Variants in MEIOC observed in about 807,000 individuals in gnomAD.
The protein encoded by MEIOC is meiosis-specific coiled-coil domain-containing protein MEIOC.
A neutral mutation model predicts 85.3 loss-of-function variants in MEIOC; 9 were observed. The ratio of observed to expected loss-of-function variants is 0.11; its 90% CI spans 0.06 to 0.18. The LOEUF is 0.18. Ranked by LOEUF, MEIOC falls within the 10% of genes least tolerant of loss-of-function variation. The pLI, the probability that MEIOC is intolerant of heterozygous loss-of-function variation, is 1.00. For missense variants in MEIOC, 898 were observed against 1,129.4 expected (o/e 0.80, Z 2.94); for synonymous variants, 365 against 393.7 (o/e 0.93, Z 0.86).
chr17:44,656,565 C>T lies in MEIOC; in HGVS notation c.-49C>T. ...GGCCTGGACGCCCCCCCCATCACCC[C>T]CGTACCCCAGGAGCTGTGCCTAGTC... On this transcript the variant is annotated 5_prime_UTR_variant, in exon 1 of 8. Transcript: ENST00000409122. 1 of 1,379,064 alleles carries T rather than the reference C, an allele frequency of 7.3e-7. No homozygotes were observed. Among genetic ancestry groups the T allele is most frequent in the Non-Finnish European group, 9.5e-7 (1 of 1,053,732 alleles). The allele number at this position is 1,379,064 out of a possible 1,614,324, so 85.4% of individuals were successfully genotyped here.
chr17:44,669,732 C>T lies in MEIOC; in HGVS notation c.2457+215C>T, dbSNP rs575433485. 3.4e-4 allele frequency: 155 copies of T among 455,624 alleles called. 3 individuals carry two copies. The highest frequency in any genetic ancestry group is 3.2e-3 in the South Asian group (137 of 42,274). 28.2% of individuals were successfully genotyped at this position (455,624 alleles called of 1,614,324 possible). A position where few individuals can be genotyped will look rare whatever the true frequency, so the allele number is the denominator to read the frequency against. ...AAAATTAGCTGGGGGTGGTGGCATG[C>T]GCCTGTAGTCCCAGCTACTTGGGAG... On this transcript the variant is annotated intron_variant, in intron 6 of 7. Transcript: ENST00000409122.
chr17:44,667,105 G>A lies in MEIOC; in HGVS notation c.1194G>A (p.Thr398=), dbSNP rs60072626. ...DQQNFTFPKT[T]PHLTEKQFAK... Reference sequence around the variant, plus strand: ...AGAATTTCACATTTCCAAAAACTACGCCACATCTGACAGAGAAACAGTTTG... The same window carrying A: ...AGAATTTCACATTTCCAAAAACTACACCACATCTGACAGAGAAACAGTTTG... The change falls in exon 5 of 8, where the codon ACG becomes ACA. Residue 398 remains threonine (T), a synonymous_variant. Transcript: ENST00000409122. The A allele has an allele frequency of 6.0e-4, 972 of 1,613,700 alleles. 6 individuals carry two copies. In the African/African-American group the frequency reaches 0.011, roughly 18 times the overall value.
In MEIOC at chr17:44,675,710, T is replaced by C; in HGVS notation, c.*1514T>C. ...CCACAGTCACTGCATAGAAAGTGGT[T>C]AAGTTTAACATAAGACATGTTGGAT... On this transcript the variant is annotated 3_prime_UTR_variant, in exon 8 of 8. Transcript: ENST00000409122. The C allele has an allele frequency of 1.0e-6, 1 of 982,520 alleles. No homozygotes were observed. The highest frequency in any genetic ancestry group is 1.2e-6 in the Non-Finnish European group (1 of 827,284). 60.9% of individuals were successfully genotyped at this position (982,520 alleles called of 1,614,324 possible). A position where few individuals can be genotyped will look rare whatever the true frequency, so the allele number is the denominator to read the frequency against.
chr17:44,668,909 G>A (rs1971954982), intron 5 of MEIOC, among the ~76,000 whole-genome samples: 1 of 152,062 alleles, frequency 6.6e-6, no homozygotes, highest in African/African-American at 2.4e-5. Flanking sequence ...TATTTTATTT[G>A]TATTAAGACG....
chr17:44,661,519 CT>C (rs35198190), intron 2 of MEIOC, among the ~76,000 whole-genome samples: 1 of 151,780 alleles, frequency 6.6e-6, no homozygotes, highest in South Asian at 2.1e-4. Flanking sequence ...TATACATTAA[CT>C]TTTTTCAGAG....
At chr17:44,658,629 T>C (rs1457967184) in intron 2 of MEIOC, among the ~76,000 whole-genome samples, 2 of 151,240 alleles carry the variant, frequency 1.3e-5, no homozygotes, top group East Asian at 2.0e-4. Context: ...ACCCCATCTC[T>C]ACTAAAAATA....
intron 2 of MEIOC, among the ~76,000 whole-genome samples, chr17:44,657,720 AT>A: frequency 6.6e-6 from 1 of 151,154 alleles, no homozygotes; most frequent in East Asian, 2.0e-4. Context: ...CGCCTGGCTA[AT>A]TTTGTATTTT....
chr17:44,676,983 C>T (rs1972084976), downstream of MEIOC: 1 of 978,336 alleles, frequency 1.0e-6, no homozygotes, highest in African/African-American at 1.8e-5. Context: ...CTGTGACATA[C>T]ATAGCAGAGT....
At chr17:44,673,873 A>T (rs1489707124) in intron 7 of MEIOC, 103 bp from the exon 8 acceptor site, 1 of 1,340,348 alleles carries the variant, frequency 7.5e-7, no homozygotes, top group Non-Finnish European at 1.0e-6. Flanking sequence ...TTTTACAAAA[A>T]TAACATTTGA....
chr17:44,668,094 A>G lies in MEIOC; in HGVS notation c.2183A>G (p.Asp728Gly). The change falls in exon 5 of 8, where the codon GAT becomes GGT. Residue 728 changes from aspartate (D) to glycine (G), a missense_variant. Physicochemically the swap from Asp to Gly is moderately conservative, Grantham distance 94. Transcript: ENST00000409122. ...LYPYFNMMYGDNSFSGLMPTF... is the reference protein window; with the variant it reads ...LYPYFNMMYGGNSFSGLMPTF... Reference sequence around the variant, plus strand: ...CCTTATTTTAATATGATGTATGGTGATAATTCTTTTTCTGGTCTCATGCCA... The same window carrying G: ...CCTTATTTTAATATGATGTATGGTGGTAATTCTTTTTCTGGTCTCATGCCA... 6.2e-7 allele frequency: 1 copy of G among 1,613,734 alleles called. No individual in the cohort carries two copies. Among genetic ancestry groups the G allele is most frequent in the African/African-American group, 1.3e-5 (1 of 75,064 alleles).
chr17:44,665,092 T>A, intron 3 of MEIOC: 1 of 994,328 alleles, frequency 1.0e-6, no homozygotes, highest in South Asian at 4.6e-5. Flanking sequence ...CAGATTTATA[T>A]CTTGGTCACC....
rs1972067439 is a variant in MEIOC at position 44,675,736 on chromosome 17, G to A, written c.*1540G>A. The A allele has an allele frequency of 4.1e-6, 4 of 973,610 alleles. No homozygotes were observed. 60.3% of individuals were successfully genotyped at this position (973,610 alleles called of 1,614,324 possible). On this transcript the variant is annotated 3_prime_UTR_variant, in exon 8 of 8. Transcript: ENST00000409122. ...AAGTTTAACATAAGACATGTTGGAT[G>A]TTATAAAAACAAATACTGTACTGAA...
chr17:44,665,078 A>T (rs1971886978), intron 3 of MEIOC: 2 of 972,404 alleles, frequency 2.1e-6, no homozygotes, highest in Non-Finnish European at 2.5e-6. Flanking sequence ...GACATCATAG[A>T]TGACAGATTT....
At chr17:44,673,047 G>T (rs1289842748) in intron 6 of MEIOC, 1 of 226,034 alleles carries the variant, frequency 4.4e-6, no homozygotes, top group Non-Finnish European at 8.5e-6. Context: ...TTTGCAGGCT[G>T]GTCTCTTATT....
rs1411814200 is a variant in MEIOC, at chr17:44,666,378, C to A, written c.467C>A (p.Thr156Asn). Residue 156 changes from threonine to asparagine, a missense_variant and splice_region_variant, in exon 5 of 8, where the codon ACC becomes AAC. By Grantham distance (65) the Thr-to-Asn change is moderately conservative. This residue lies in a region of MEIOC where 734 missense variants were observed against 860.1 expected (regional missense o/e 0.85). Transcript: ENST00000409122. ...DKSQPYFAEG[T>N]CSSNLKSVWP... Reference sequence around the variant, plus strand: ...TTAAATATATTTATTTGTTCTAGGACCTGCTCCTCCAATTTAAAGTCAGTT... The same window carrying A: ...TTAAATATATTTATTTGTTCTAGGAACTGCTCCTCCAATTTAAAGTCAGTT... 6.5e-7 allele frequency: 1 copy of A among 1,545,618 alleles called. No individual in the cohort carries two copies. The highest frequency in any genetic ancestry group is 1.2e-5 in the South Asian group (1 of 83,616).
chr17:44,675,334 G>GTAATTTATTCGT lies in MEIOC; in HGVS notation c.*1143_*1154dup. The GTAATTTATTCGT allele has an allele frequency of 1.0e-6, 1 of 970,872 alleles. No individual in the cohort carries two copies. The highest frequency in any genetic ancestry group is 1.2e-6 in the Non-Finnish European group (1 of 816,856). 60.1% of individuals were successfully genotyped at this position (970,872 alleles called of 1,614,324 possible). On this transcript the variant is annotated 3_prime_UTR_variant, in exon 8 of 8. Transcript: ENST00000409122. ...CTTAGTATCTTTGTATAGAACTTGA[G>GTAATTTATTCGT]TAATTTATTCGTTAATATGAAATGT...
intron 6 of MEIOC, chr17:44,669,802 G>A (rs1252999680): frequency 2.1e-5 from 7 of 335,284 alleles, no homozygotes; most frequent in Non-Finnish European, 4.0e-5. Flanking sequence ...AGAGGTTGCA[G>A]TGAGTGAAGA....
intron 6 of MEIOC, among the ~76,000 whole-genome samples, chr17:44,671,649 G>A (rs1406636813): frequency 2.0e-5 from 3 of 152,080 alleles, no homozygotes; most frequent in Non-Finnish European, 4.4e-5. Flanking sequence ...GTTCATGCCT[G>A]TAATCCCAGC....
At position 44,662,425 on chromosome 17, in the gene MEIOC, G is replaced by A; in HGVS notation, c.313G>A (p.Asp105Asn). 3.2e-6 allele frequency: 5 copies of A among 1,548,498 alleles called. No individual in the cohort carries two copies. Among genetic ancestry groups the A allele is most frequent in the Non-Finnish European group, 4.4e-6 (5 of 1,144,872 alleles). Residue 105 changes from aspartate to asparagine, a missense_variant, in exon 3 of 8, where the codon GAT (aspartate) becomes AAT (asparagine). Coordinates refer to ENST00000409122, the MANE Select transcript of MEIOC (RefSeq NM_001145080.3). ...CTGTGCACCATGGTCTACTTATGGA[G>A]ATGACATTAAACAACCTTCTAATTC... ...LFCAPWSTYG[D>N]DIKQPSNSQI... is the part of the protein sequence containing the mutation.
Sources: gnomAD v4.1 joint callset for allele counts (sites outside exome capture counted in the v4.1 genomes callset) on GRCh38, gnomAD v4.1.1 for gene constraint, gnomAD v4.1.1 regional missense constraint, MANE v1.5 for transcripts, NCBI Gene and HGNC (gene_info 2026-07-23, HGNC 2026-07-21) for gene names.